The following FER1L6 variants were observed in gnomAD, a reference collection of about 807,000 sequenced individuals.
FER1L6 encodes fer-1 like family member 6.
In FER1L6, 177 loss-of-function variants were observed where a neutral mutation model predicts 219.2. That is an observed-to-expected ratio of 0.81 (90% CI 0.71 to 0.91). The LOEUF is 0.91. FER1L6 is among the 40% of genes least tolerant of loss of function. The pLI, the probability that FER1L6 is intolerant of heterozygous loss-of-function variation, is 0.00. For synonymous variants in FER1L6, 768 were observed against 824.3 expected, an observed-to-expected ratio of 0.93 and a Z score of 1.17; for missense variants, 2,153 against 2,259.9, an observed-to-expected ratio of 0.95 and a Z score of 0.96.
Position 124,035,390 on chromosome 8 carries a change from T to C in FER1L6, c.2400T>C (p.Tyr800=), listed in dbSNP as rs1023852019. 5 of 1,614,030 alleles carry C rather than the reference T, an allele frequency of 3.1e-6. No individual in the cohort carries two copies. Among genetic ancestry groups the C allele is most frequent in the Middle Eastern group, 3.3e-4 (2 of 6,010 alleles). ...TTTTGGACAACTTGCCAGTAGGCTA[T>C]GAAGCAGAAATGTCCTCCAAAGGGG... The part of the protein sequence containing the change: ...SAILDNLPVG[Y]EAEMSSKGAG... Residue 800 remains tyrosine (Y), a synonymous_variant, in exon 19 of 41, where the codon TAT becomes TAC. Transcript: ENST00000522917.
intron 14 of FER1L6, among the ~76,000 whole-genome samples, chr8:124,011,956 T>A (rs1031116016): frequency 3.9e-5 from 6 of 152,244 alleles, no homozygotes; most frequent in African/African-American, 1.4e-4. Context: ...TATTTTATAC[T>A]GTAAACAGTG....
In FER1L6 at chr8:124,010,675, G is replaced by A. The variant is rs1242032306; in HGVS notation, c.1782G>A (p.Leu594=). The change falls in exon 14 of 41, where the codon CTG becomes CTA. Residue 594 remains leucine, a synonymous_variant. Coordinates refer to ENST00000522917, the MANE Select transcript of FER1L6 (RefSeq NM_001039112.2). The part of the protein sequence containing the change: ...ISSWGDQTFR[L]HWSNMLEKMA... ...CTTGGGGAGACCAGACCTTCAGGCT[G>A]CACTGGTCCAACATGCTGGAGAAAA... The A allele has an allele frequency of 1.2e-6, 2 of 1,613,784 alleles. No individual in the cohort carries two copies. Among genetic ancestry groups the A allele is most frequent in the African/African-American group, 1.3e-5 (1 of 74,900 alleles).
chr8:124,040,072 C>T (rs575854882), intron 20 of FER1L6, 66 bp downstream of exon 20: 247 of 1,602,042 alleles, frequency 1.5e-4, no homozygotes, highest in Middle Eastern at 5.5e-4. Flanking sequence ...CAGAAGATCC[C>T]AGGAAAGAAA....
chr8:124,043,694 A>ATG (rs1819602455), intron 20 of FER1L6, among the ~76,000 whole-genome samples: 1 of 151,894 alleles, frequency 6.6e-6, no homozygotes, highest in African/African-American at 2.4e-5. Context: ...CATCATCACC[A>ATG]CTCTCCATAC....
intron 1 of FER1L6, among the ~76,000 whole-genome samples, chr8:123,916,734 T>C (rs1219343815): frequency 6.6e-6 from 1 of 152,202 alleles, no homozygotes; most frequent in Non-Finnish European, 1.5e-5. Flanking sequence ...AATAATGAAA[T>C]ACTTCCATAG....
At chr8:123,956,592 T>C (rs926527852) in intron 2 of FER1L6, among the ~76,000 whole-genome samples, 8 of 152,108 alleles carry the variant, frequency 5.3e-5, no homozygotes, top group African/African-American at 1.7e-4. Flanking sequence ...AGAGAGTAAA[T>C]AAAGTGTGGA....
intron 6 of FER1L6, among the ~76,000 whole-genome samples, chr8:123,970,534 G>A (rs568562807): frequency 2.0e-5 from 3 of 152,052 alleles, no homozygotes; most frequent in Non-Finnish European, 4.4e-5. Flanking sequence ...TAAAGAAATA[G>A]GAACAAGTAC....
At chr8:123,994,846 G>T (rs1817054501) in intron 12 of FER1L6, among the ~76,000 whole-genome samples, 1 of 152,190 alleles carries the variant, frequency 6.6e-6, no homozygotes, top group South Asian at 2.1e-4. Flanking sequence ...ATCAGGAATG[G>T]CTTCCCTCTA....
chr8:123,964,822 C>A (rs1478513091), intron 3 of FER1L6, among the ~76,000 whole-genome samples: 2 of 152,162 alleles, frequency 1.3e-5, no homozygotes, highest in Non-Finnish European at 2.9e-5. Flanking sequence ...GTCCTCAAGA[C>A]TTTTTTTCTC....
chr8:123,983,998 A>G (rs1412055837), intron 11 of FER1L6: 2 of 152,214 alleles, frequency 1.3e-5, no homozygotes, highest in African/African-American at 2.4e-5. Flanking sequence ...GTCAGTAAAC[A>G]TTACCTATCA....
At chr8:124,071,869 A>G (rs1382340075) in intron 31 of FER1L6, among the ~76,000 whole-genome samples, 2 of 152,088 alleles carry the variant, frequency 1.3e-5, no homozygotes, top group Non-Finnish European at 2.9e-5. Flanking sequence ...GTGCACGTGT[A>G]TATAGGGAGA....
chr8:124,083,778 T>C (rs1023003395), intron 33 of FER1L6, among the ~76,000 whole-genome samples: 1 of 152,138 alleles, frequency 6.6e-6, no homozygotes, highest in African/African-American at 2.4e-5. Flanking sequence ...CCCACGTAAA[T>C]GTAAGATTGT....
At chr8:124,109,217 G>A (rs972753666) in intron 39 of FER1L6, among the ~76,000 whole-genome samples, 2 of 152,148 alleles carry the variant, frequency 1.3e-5, no homozygotes, top group African/African-American at 2.4e-5. Context: ...TGGAGAAGGC[G>A]GTGTCTGATT....
chr8:123,986,309 A>C (rs141174339), intron 12 of FER1L6, 133 bp downstream of exon 12: 1 of 592,694 alleles, frequency 1.7e-6, no homozygotes, highest in African/African-American at 1.9e-5. Flanking sequence ...GAGATGAACA[A>C]TTCCTTGTCT....
intron 33 of FER1L6, among the ~76,000 whole-genome samples, chr8:124,090,869 C>T (rs893757311): frequency 2.6e-5 from 4 of 152,176 alleles, no homozygotes; most frequent in Admixed American, 1.3e-4. Context: ...AAGGGAGGGA[C>T]GAAGCAGAGA....
chr8:124,102,453 T>C (rs145850006), intron 38 of FER1L6, among the ~76,000 whole-genome samples: 137 of 152,324 alleles, frequency 9.0e-4, no homozygotes, highest in African/African-American at 3.1e-3. Flanking sequence ...TAAGCACCAA[T>C]ACACAGAGCA....
intron 1 of FER1L6, among the ~76,000 whole-genome samples, chr8:123,939,758 G>A (rs189182382): frequency 1.2e-4 from 18 of 152,298 alleles, no homozygotes; most frequent in East Asian, 9.6e-4. Flanking sequence ...GTCAGTCAGC[G>A]TGTGCTCCCT....
chr8:124,022,043 A>C (rs1417569072), intron 17 of FER1L6, among the ~76,000 whole-genome samples: 3 of 152,212 alleles, frequency 2.0e-5, no homozygotes, highest in Non-Finnish European at 4.4e-5. Context: ...TCTTCTGGTG[A>C]CTTCTAGAAT....
intron 3 of FER1L6, 26 bp downstream of exon 3, chr8:123,963,424 C>T: frequency 6.2e-7 from 1 of 1,612,928 alleles, no homozygotes; most frequent in African/African-American, 1.3e-5. Context: ...AGGTGGTCAA[C>T]ACACATTTGC....
Sources: gnomAD v4.1 joint callset for allele counts (sites outside exome capture counted in the v4.1 genomes callset) on GRCh38, gnomAD v4.1.1 for gene constraint, MANE v1.5 for transcripts, NCBI Gene and HGNC (gene_info 2026-07-23, HGNC 2026-07-21) for gene names.